PPP3CA: variants seen among roughly 807,000 people sequenced by gnomAD.
PPP3CA encodes the protein CAM-PRP catalytic subunit.
PPP3CA carries 14 observed loss-of-function variants against 66.5 expected under a neutral mutation model. That is an observed-to-expected ratio of 0.21 (90% CI 0.14 to 0.33). PPP3CA has a LOEUF of 0.33. Among genes scored for constraint, PPP3CA ranks in the 10% least tolerant of loss-of-function variants. The pLI, the probability that PPP3CA is intolerant of heterozygous loss-of-function variation, is 1.00. For synonymous variants in PPP3CA, 232 were observed against 226.2 expected, an observed-to-expected ratio of 1.03 and a Z score of -0.23; for missense variants, 317 against 639.5, an observed-to-expected ratio of 0.50 and a Z score of 5.44.
At chr4:101,061,626 T>C (rs929803279) in intron 9 of PPP3CA, among the ~76,000 whole-genome samples, 2 of 152,118 alleles carry the variant, frequency 1.3e-5, no homozygotes, top group African/African-American at 4.8e-5. Flanking sequence ...TAATACAAAC[T>C]GTTGATTGAT....
At chr4:101,185,830 T>G (rs1303343061) in intron 2 of PPP3CA, among the ~76,000 whole-genome samples, 1 of 151,498 alleles carries the variant, frequency 6.6e-6, no homozygotes, top group Non-Finnish European at 1.5e-5. Flanking sequence ...AACTCCAGGC[T>G]GTGGACAGCC....
chr4:101,188,453 A>AT (rs924296035), intron 2 of PPP3CA, among the ~76,000 whole-genome samples: 3 of 151,942 alleles, frequency 2.0e-5, no homozygotes, highest in South Asian at 2.1e-4. Context: ...CATGGATAAG[A>AT]TTTTTTTTCT....
intron 1 of PPP3CA, among the ~76,000 whole-genome samples, chr4:101,325,811 A>C (rs1312738508): frequency 6.6e-6 from 1 of 152,192 alleles, no homozygotes; most frequent in Non-Finnish European, 1.5e-5. Flanking sequence ...CTCACAGTTA[A>C]AATGTGCGCA....
chr4:101,346,675 G>A (rs548951833), intron 1 of PPP3CA, 64 bp downstream of exon 1: 128 of 1,438,398 alleles, frequency 8.9e-5, no homozygotes, highest in Admixed American at 2.8e-4. Flanking sequence ...AAGGCGAGGC[G>A]AGGCAAGCTG....
At chr4:101,339,560 G>C (rs1032591745) in intron 1 of PPP3CA, among the ~76,000 whole-genome samples, 2 of 152,156 alleles carry the variant, frequency 1.3e-5, no homozygotes, top group Non-Finnish European at 2.9e-5. Flanking sequence ...GATTGGGCTG[G>C]AGAAAGAAGC....
chr4:101,344,920 A>ATTGGTTAAGATTG lies in PPP3CA; in HGVS notation c.58+1818_58+1819insCAATCTTAACCAA, dbSNP rs1729931649. On this transcript the variant is annotated intron_variant, in intron 1 of 13. Coordinates refer to ENST00000394854, the MANE Select transcript of PPP3CA (RefSeq NM_000944.5). ...TAACCTAGATTGGAGCTACATCTAA[A>ATTGGTTAAGATTG]CTTCACACATTAAGGAGATAATTGT... Among the ~76,000 whole-genome samples, 19 of 152,346 alleles carry ATTGGTTAAGATTG rather than the reference A, an allele frequency of 1.2e-4. No individual in the cohort carries two copies. The South Asian group carries it at 3.9e-3, about 32-fold the overall frequency.
intron 1 of PPP3CA, among the ~76,000 whole-genome samples, chr4:101,304,972 A>G (rs1728487838): frequency 6.6e-6 from 1 of 152,242 alleles, no homozygotes; most frequent in Non-Finnish European, 1.5e-5. Flanking sequence ...AACCCACTTT[A>G]GAAGAAAGCT....
At chr4:101,067,540 C>CA (rs745739173) in intron 8 of PPP3CA, among the ~76,000 whole-genome samples, 1,791 of 127,958 alleles carry the variant, frequency 0.014, 12 homozygotes, top group African/African-American at 0.025. Context: ...TTTGATGAGA[C>CA]AAAAAAAAAA....
chr4:101,026,388 G>A (rs1726652938), intron 13 of PPP3CA, among the ~76,000 whole-genome samples: 1 of 152,190 alleles, frequency 6.6e-6, no homozygotes, highest in Non-Finnish European at 1.5e-5. Context: ...TCAGGGACAA[G>A]CCTCTAGAAC....
chr4:101,124,745 A>AAGAGAG (rs1201396686), intron 2 of PPP3CA, among the ~76,000 whole-genome samples: 1 of 108,420 alleles, frequency 9.2e-6, no homozygotes, highest in South Asian at 3.5e-4. Context: ...GAAAGAAAGA[A>AAGAGAG]AGAAAGAAAG....
At chr4:101,178,775 AACATAAAAC>A (rs901490514) in intron 2 of PPP3CA, among the ~76,000 whole-genome samples, 1 of 152,124 alleles carries the variant, frequency 6.6e-6, no homozygotes, top group African/African-American at 2.4e-5. Flanking sequence ...CACTAAATCT[AACATAAAAC>A]CCTCAAGTTG....
chr4:101,153,947 C>A (rs1458409205), intron 2 of PPP3CA, among the ~76,000 whole-genome samples: 1 of 151,928 alleles, frequency 6.6e-6, no homozygotes, highest in Admixed American at 6.6e-5. Flanking sequence ...TACATTTGGA[C>A]ATATGCATGG....
At chr4:101,130,228 C>T (rs546401906) in intron 2 of PPP3CA, among the ~76,000 whole-genome samples, 1 of 152,150 alleles carries the variant, frequency 6.6e-6, no homozygotes, top group Admixed American at 6.5e-5. Context: ...ACAAACAAAG[C>T]CTCCAAGAAA....
intron 1 of PPP3CA, among the ~76,000 whole-genome samples, chr4:101,288,367 G>C (rs1727908658): frequency 6.6e-6 from 1 of 152,052 alleles, no homozygotes; most frequent in Admixed American, 6.6e-5. Context: ...CAAAATTAAT[G>C]GTTACCTACC....
intron 1 of PPP3CA, among the ~76,000 whole-genome samples, chr4:101,235,954 A>G (rs953126744): frequency 1.3e-5 from 2 of 151,824 alleles, no homozygotes; most frequent in Non-Finnish European, 2.9e-5. Context: ...GCAAGTAAAA[A>G]TGTCAAATTC....
intron 10 of PPP3CA, among the ~76,000 whole-genome samples, chr4:101,045,432 G>A (rs1267837051): frequency 6.6e-6 from 1 of 152,088 alleles, no homozygotes; most frequent in African/African-American, 2.4e-5. Flanking sequence ...TACAAACCGG[G>A]GCCATTTTCC....
chr4:101,336,771 G>A (rs1427822681), intron 1 of PPP3CA, among the ~76,000 whole-genome samples: 2 of 151,936 alleles, frequency 1.3e-5, no homozygotes, highest in Non-Finnish European at 2.9e-5. Flanking sequence ...GGAGTGAGAG[G>A]TATATGGAAT....
chr4:101,065,815 A>G (rs10022217), intron 8 of PPP3CA, among the ~76,000 whole-genome samples: 1 of 152,080 alleles, frequency 6.6e-6, no homozygotes, highest in South Asian at 2.1e-4. Flanking sequence ...GATGCAATTT[A>G]CAAGCAAGGG....
At chr4:101,080,162 T>G (rs1000505757) in intron 8 of PPP3CA, among the ~76,000 whole-genome samples, 1 of 152,216 alleles carries the variant, frequency 6.6e-6, no homozygotes, top group African/African-American at 2.4e-5. Context: ...TTATTTTTCT[T>G]GATCCTTTCC....
Sources: gnomAD v4.1 joint callset for allele counts (sites outside exome capture counted in the v4.1 genomes callset) on GRCh38, gnomAD v4.1.1 for gene constraint, MANE v1.5 for transcripts, NCBI Gene and HGNC (gene_info 2026-07-23, HGNC 2026-07-21) for gene names.